SAE1: variants seen among roughly 807,000 people sequenced by gnomAD.
SAE1 encodes the protein SUMO1 activating enzyme subunit 1.
SAE1 carries 11 observed loss-of-function variants against 40.6 expected under a neutral mutation model. That is an observed-to-expected ratio of 0.27 (90% CI 0.17 to 0.45). The LOEUF (loss-of-function observed/expected upper bound fraction) is 0.45, where lower values mean the gene tolerates loss of function less well. SAE1 is among the 20% of genes least tolerant of loss of function. SAE1 has a pLI of 1.00. For synonymous variants in SAE1, 155 were observed against 154.3 expected (o/e 1.00, Z -0.03); for missense variants, 373 against 427.3 (o/e 0.87, Z 1.12).
At chr19:47,200,669 A>G (rs764401219) in intron 7 of SAE1, among the ~76,000 whole-genome samples, 1 of 152,074 alleles carries the variant, frequency 6.6e-6, no homozygotes, top group Non-Finnish European at 1.5e-5. Context: ...AGCCACTTGT[A>G]TCTCTTTTAA....
chr19:47,176,157 C>T (rs973033885), intron 6 of SAE1, among the ~76,000 whole-genome samples: 4 of 152,208 alleles, frequency 2.6e-5, no homozygotes, highest in Admixed American at 6.5e-5. Flanking sequence ...CACTTGATGG[C>T]GTAAATGGTA....
intron 7 of SAE1, 82 bp from the exon 8 acceptor site, chr19:47,203,589 A>T: frequency 8.1e-7 from 1 of 1,231,616 alleles, no homozygotes; most frequent in Non-Finnish European, 1.2e-6. Flanking sequence ...TATTCAGGAG[A>T]GCCTACTACT....
At chr19:47,158,001 C>A (rs2058334408) in intron 5 of SAE1, among the ~76,000 whole-genome samples, 1 of 151,776 alleles carries the variant, frequency 6.6e-6, no homozygotes, top group African/African-American at 2.4e-5. Context: ...AGGTTCTCTT[C>A]CAACACCAAA....
At chr19:47,194,104 C>G (rs1385947099) in intron 6 of SAE1, among the ~76,000 whole-genome samples, 3 of 152,142 alleles carry the variant, frequency 2.0e-5, no homozygotes, top group African/African-American at 7.2e-5. Flanking sequence ...GCTTCTAAAA[C>G]TGTGTCCTCC....
rs944322754 is a variant in SAE1 at position 47,136,731 on chromosome 19, C to G, written c.98+5703C>G. 3.7e-4 allele frequency among the ~76,000 whole-genome samples: 57 copies of G among 152,048 alleles called. 1 individual carries two copies. Among genetic ancestry groups the G allele is most frequent in the Non-Finnish European group, 6.9e-4 (47 of 68,022 alleles). On this transcript the variant is annotated intron_variant, in intron 1 of 8. Transcript: ENST00000270225. Reference sequence around the variant, plus strand: ...CTGTGAACTCCTGACCTCAGGTGATCCGCCCGCCTTGGCCTCCCAAAGTGC... The same window carrying G: ...CTGTGAACTCCTGACCTCAGGTGATGCGCCCGCCTTGGCCTCCCAAAGTGC...
chr19:47,168,467 C>A (rs1005801896), intron 5 of SAE1, among the ~76,000 whole-genome samples: 3 of 152,078 alleles, frequency 2.0e-5, no homozygotes, highest in African/African-American at 7.2e-5. Context: ...CTGCACCCAG[C>A]TAACTTGTAG....
At position 47,130,902 on chromosome 19, in the gene SAE1, C is replaced by T. The variant is rs376086221; in HGVS notation, c.-29C>T. The T allele has an allele frequency of 5.2e-6, 8 of 1,548,094 alleles. No homozygotes were observed. Among genetic ancestry groups the T allele is most frequent in the South Asian group, 1.2e-5 (1 of 83,926 alleles). ...CGGCGGGCGGTTGGCTTGAGCGGGACCGGAGCTGAGGCAGGAAGAGCCGGC... is the reference window on the plus strand; with the variant it reads ...CGGCGGGCGGTTGGCTTGAGCGGGATCGGAGCTGAGGCAGGAAGAGCCGGC... On this transcript the variant is annotated 5_prime_UTR_variant, in exon 1 of 9. Transcript: ENST00000270225.
At chr19:47,174,995 C>A (rs1396136472) in intron 6 of SAE1, among the ~76,000 whole-genome samples, 1 of 152,034 alleles carries the variant, frequency 6.6e-6, no homozygotes, top group African/African-American at 2.4e-5. Context: ...AGGCGTGAGG[C>A]ACCGTGCCCG....
chr19:47,174,102 T>C (rs937485578), intron 6 of SAE1, among the ~76,000 whole-genome samples: 4 of 151,962 alleles, frequency 2.6e-5, no homozygotes, highest in African/African-American at 9.7e-5. Context: ...CTTAATTCCA[T>C]CCCTCAGTGG....
intron 8 of SAE1, 98 bp downstream of exon 8, chr19:47,203,838 C>A: frequency 9.3e-7 from 1 of 1,071,542 alleles, no homozygotes; most frequent in South Asian, 1.3e-5. Context: ...CCTGCTTTCT[C>A]TCACCCCATT....
chr19:47,184,803 GTTTT>G (rs2123285132), intron 6 of SAE1, among the ~76,000 whole-genome samples: 1 of 69,880 alleles, frequency 1.4e-5, no homozygotes, highest in South Asian at 6.4e-4. Flanking sequence ...TTTTGTTTTT[GTTTT>G]GTTTTGTTTT....
chr19:47,210,004 G>A lies in SAE1; in HGVS notation c.*753G>A, dbSNP rs578193624. ...GGTTCCTGGGGCTTCAGGGCTAGGAGGGAGGAGCCTGCCCTTTTAACAGAA... is the reference window on the plus strand; with the variant it reads ...GGTTCCTGGGGCTTCAGGGCTAGGAAGGAGGAGCCTGCCCTTTTAACAGAA... On this transcript the variant is annotated 3_prime_UTR_variant, in exon 9 of 9. Transcript: ENST00000270225. 1.3e-5 allele frequency: 2 copies of A among 152,344 alleles called. No individual in the cohort carries two copies. The highest frequency in any genetic ancestry group is 2.1e-4 in the South Asian group (1 of 4,832). The allele number at this position is 152,344 out of a possible 1,614,324, so 9.4% of individuals were successfully genotyped here. A position where few individuals can be genotyped will look rare whatever the true frequency, so the allele number is the denominator to read the frequency against.
At chr19:47,172,708 AG>A (rs1568599105) in intron 6 of SAE1, among the ~76,000 whole-genome samples, 2 of 151,876 alleles carry the variant, frequency 1.3e-5, no homozygotes, top group East Asian at 3.9e-4. Context: ...TCCAAAAAAA[AG>A]GGGGAGAAAC....
At chr19:47,141,788 T>C (rs1298869100) in intron 1 of SAE1, among the ~76,000 whole-genome samples, 1 of 152,180 alleles carries the variant, frequency 6.6e-6, no homozygotes, top group Non-Finnish European at 1.5e-5. Flanking sequence ...AAATTATTCT[T>C]AGTTATTACT....
At chr19:47,201,291 C>G (rs926492054) in intron 7 of SAE1, among the ~76,000 whole-genome samples, 1 of 147,712 alleles carries the variant, frequency 6.8e-6, no homozygotes, top group Admixed American at 6.9e-5. Flanking sequence ...TCATGATCCA[C>G]CCAGCTTGGC....
At chr19:47,136,143 G>GT (rs1013330094) in intron 1 of SAE1, among the ~76,000 whole-genome samples, 3 of 151,778 alleles carry the variant, frequency 2.0e-5, no homozygotes, top group Non-Finnish European at 2.9e-5. Context: ...ATTTATTGCA[G>GT]TTTTTTTTCT....
intron 1 of SAE1, among the ~76,000 whole-genome samples, chr19:47,137,725 G>GTT (rs762860904): frequency 2.1e-5 from 2 of 97,080 alleles, no homozygotes; most frequent in Admixed American, 1.1e-4. Flanking sequence ...GTGTGTGTGT[G>GTT]TGTTGTTTTT....
chr19:47,208,534 G>T (rs973756958), intron 8 of SAE1, among the ~76,000 whole-genome samples: 1 of 151,794 alleles, frequency 6.6e-6, no homozygotes, highest in Non-Finnish European at 1.5e-5. Flanking sequence ...TCTGCCTCCT[G>T]GGTTCAAGCA....
intron 5 of SAE1, among the ~76,000 whole-genome samples, chr19:47,165,481 A>G (rs1050528571): frequency 2.6e-5 from 4 of 152,174 alleles, no homozygotes; most frequent in Non-Finnish European, 5.9e-5. Flanking sequence ...CAGGCATTCT[A>G]GGCAGAGGTA....
Sources: allele counts gnomAD v4.1 joint callset (sites outside exome capture counted in the v4.1 genomes callset), GRCh38; gene constraint gnomAD v4.1.1; transcripts MANE v1.5; gene names NCBI Gene and HGNC (gene_info 2026-07-23, HGNC 2026-07-21).